CD109: variants seen among roughly 807,000 people sequenced by gnomAD.
The protein encoded by CD109 is CD109 antigen.
CD109 carries 149 observed loss-of-function variants against 165.8 expected under a neutral mutation model. That is an observed-to-expected ratio of 0.90 (90% CI 0.79 to 1.03). The LOEUF (loss-of-function observed/expected upper bound fraction) is 1.03, where lower values mean the gene tolerates loss of function less well. Among genes scored for constraint, CD109 ranks in the 50% least tolerant of loss-of-function variants. The pLI is 0.00. For missense variants in CD109, 1,712 were observed against 1,677.8 expected (o/e 1.02, Z -0.36); for synonymous variants, 585 against 592.1 (o/e 0.99, Z 0.18).
At chr6:73,724,582 C>T (rs796639236) in intron 3 of CD109, among the ~76,000 whole-genome samples, 12 of 151,914 alleles carry the variant, frequency 7.9e-5, no homozygotes, top group African/African-American at 2.9e-4. Context: ...ATCAGCATTA[C>T]CTCATAAGCC....
intron 19 of CD109, 82 bp downstream of exon 19, chr6:73,783,906 T>C (rs1171780076): frequency 1.4e-6 from 1 of 716,842 alleles, no homozygotes; most frequent in Non-Finnish European, 2.4e-6. Flanking sequence ...TTTTTTTAAA[T>C]GACTGCTTAT....
At chr6:73,712,190 C>T (rs965115224) in intron 2 of CD109, among the ~76,000 whole-genome samples, 7 of 136,022 alleles carry the variant, frequency 5.1e-5, no homozygotes, top group South Asian at 2.5e-4. Context: ...GCCTGGGCAA[C>T]GAAGCGAGAC....
At chr6:73,705,925 A>G (rs1397244470) in intron 2 of CD109, among the ~76,000 whole-genome samples, 2 of 152,172 alleles carry the variant, frequency 1.3e-5, no homozygotes, top group East Asian at 3.8e-4. Context: ...TTGAAAGGAG[A>G]GAGGTGGACG....
Position 73,781,183 on chromosome 6 carries a change from T to C in CD109, c.1903-76T>C, listed in dbSNP as rs989415618. 1.1e-5 allele frequency: 13 copies of C among 1,210,262 alleles called. No individual in the cohort carries two copies. The African/African-American group carries it at 1.7e-4, about 16-fold the overall frequency. 75.0% of individuals were successfully genotyped at this position (1,210,262 alleles called of 1,614,324 possible). On this transcript the variant is annotated intron_variant, in intron 16 of 32. Transcript: ENST00000287097. The stretch of plus-strand genomic sequence containing the variant: ...AAAATGAGCACAAGTGAGTCAGGAG[T>C]TTGGGAGACTGCCTTGATAATTTAG...
At chr6:73,802,873 T>C (rs1775419838) in intron 23 of CD109, among the ~76,000 whole-genome samples, 1 of 152,150 alleles carries the variant, frequency 6.6e-6, no homozygotes. Flanking sequence ...CTACTTTTTG[T>C]ATTTTTAATA....
Position 73,723,280 on chromosome 6 carries a change from G to C in CD109, c.276+1G>C. The C allele has an allele frequency of 1.2e-6, 2 of 1,610,580 alleles. No homozygotes were observed. The highest frequency in any genetic ancestry group is 1.7e-6 in the Non-Finnish European group (2 of 1,178,352). ...TTTTAAGACACTTACTCTTCCATCA[G>C]TAAGTATCCATTTAAAAAATTTGGT... On this transcript the variant is annotated splice_donor_variant, in intron 3 of 32. Coordinates refer to ENST00000287097, the MANE Select transcript of CD109 (RefSeq NM_133493.5). LOFTEE classifies it high-confidence loss of function.
chr6:73,692,044 G>A (rs997394005), upstream of CD109, among the ~76,000 whole-genome samples: 1 of 63,418 alleles, frequency 1.6e-5, no homozygotes, highest in African/African-American at 7.4e-5. Context: ...CAAAAGAGGT[G>A]GGGGGAGGTG....
chr6:73,738,003 G>A (rs896364633), intron 5 of CD109, among the ~76,000 whole-genome samples: 1 of 151,526 alleles, frequency 6.6e-6, no homozygotes, highest in Middle Eastern at 3.4e-3. Flanking sequence ...AGGACTTTAT[G>A]GCTGTGATGA....
At chr6:73,734,646 TG>T (rs1582078132) in intron 4 of CD109, among the ~76,000 whole-genome samples, 1 of 152,208 alleles carries the variant, frequency 6.6e-6, no homozygotes, top group East Asian at 1.9e-4. Flanking sequence ...TTTTGGTCTC[TG>T]GTTTTCACAA....
intron 28 of CD109, among the ~76,000 whole-genome samples, chr6:73,811,435 A>C (rs1227234460): frequency 6.6e-6 from 1 of 152,132 alleles, no homozygotes; most frequent in African/African-American, 2.4e-5. Context: ...GTGCTAGATT[A>C]CTTTACGTAT....
In CD109 at chr6:73,730,454, A is replaced by G; in HGVS notation, c.387A>G (p.Ile129Met). 6.2e-7 allele frequency: 1 copy of G among 1,613,436 alleles called. No homozygotes were observed. Among genetic ancestry groups the G allele is most frequent in the Non-Finnish European group, 8.5e-7 (1 of 1,179,358 alleles). The part of the protein sequence containing the change: ...STRLSFETKR[I>M]SVFIQTDKAL... ...GCTTATCATTTGAGACCAAGAGAAT[A>G]TCTGTCTTCATTCAAACAGACAAGG... is the stretch of plus-strand genomic sequence containing the variant. Residue 129 changes from isoleucine (I) to methionine (M), a missense_variant, in exon 4 of 33, where the codon ATA becomes ATG. Physicochemically the swap from Ile to Met is conservative, Grantham distance 10 (BLOSUM62 1). Coordinates refer to ENST00000287097, the MANE Select transcript of CD109 (RefSeq NM_133493.5).
At position 73,787,291 on chromosome 6, in the gene CD109, A is replaced by C; in HGVS notation, c.2395A>C (p.Ile799Leu). Residue 799 changes from isoleucine to leucine, a missense_variant, in exon 21 of 33, where the codon ATA becomes CTA. Transcript: ENST00000287097. ...TGATATTCTAATGACTTCAAATGAA[A>C]TAAATGCCACAGGCCACCAGCAGAC... is the stretch of plus-strand genomic sequence containing the variant. ...KFDILMTSNE[I>L]NATGHQQTLL... 6.2e-7 allele frequency: 1 copy of C among 1,614,070 alleles called. No individual in the cohort carries two copies. The highest frequency in any genetic ancestry group is 8.5e-7 in the Non-Finnish European group (1 of 1,179,958).
chr6:73,683,265 A>G, the CD109 span, among the ~76,000 whole-genome samples: 7 of 152,138 alleles, frequency 4.6e-5, no homozygotes, highest in East Asian at 1.3e-3. Flanking sequence ...CTGCTTAGAA[A>G]TTTCTTCCAC....
intron 5 of CD109, among the ~76,000 whole-genome samples, chr6:73,738,517 A>G (rs1465201771): frequency 6.6e-6 from 1 of 152,282 alleles, no homozygotes; most frequent in Non-Finnish European, 1.5e-5. Context: ...AATAAGTACC[A>G]GAAGAGAGGG....
intron 3 of CD109, among the ~76,000 whole-genome samples, chr6:73,725,420 G>A (rs1432668402): frequency 6.6e-6 from 1 of 151,714 alleles, no homozygotes; most frequent in Non-Finnish European, 1.5e-5. Context: ...GGCGGGGCAA[G>A]GGCATGAGAG....
the CD109 span, among the ~76,000 whole-genome samples, chr6:73,686,000 G>C: frequency 1.3e-5 from 2 of 152,168 alleles, no homozygotes; most frequent in Non-Finnish European, 2.9e-5. Context: ...TCTTATTCCT[G>C]ATCTTAAAGG....
the CD109 span, among the ~76,000 whole-genome samples, chr6:73,684,247 T>A: frequency 6.7e-6 from 1 of 148,916 alleles, no homozygotes; most frequent in South Asian, 2.1e-4. Context: ...TGAGACAGGG[T>A]CTTGCTCTGT....
chr6:73,698,184 G>T (rs1278584361), intron 2 of CD109, among the ~76,000 whole-genome samples: 2 of 152,184 alleles, frequency 1.3e-5, no homozygotes, highest in Non-Finnish European at 2.9e-5. Flanking sequence ...TTTGGTTCTT[G>T]TTTCAAGTTT....
intron 3 of CD109, among the ~76,000 whole-genome samples, chr6:73,727,735 A>C (rs1054032785): frequency 2.0e-5 from 3 of 152,196 alleles, no homozygotes; most frequent in African/African-American, 7.2e-5. Flanking sequence ...AAAATGATAA[A>C]CATATCAAAT....
Sources: allele counts gnomAD v4.1 joint callset (sites outside exome capture counted in the v4.1 genomes callset), GRCh38; gene constraint gnomAD v4.1.1; transcripts MANE v1.5; gene names NCBI Gene and HGNC (gene_info 2026-07-23, HGNC 2026-07-21).